KIAA0232: variants seen among roughly 807,000 people sequenced by gnomAD.
KIAA0232 encodes KIAA0232, also known as uncharacterized protein KIAA0232.
In KIAA0232, 27 loss-of-function variants were observed where a neutral mutation model predicts 122.0. That is an observed-to-expected ratio of 0.22 (90% CI 0.16 to 0.31). KIAA0232 has a LOEUF of 0.31. Ranked by LOEUF, KIAA0232 falls within the 10% of genes least tolerant of loss-of-function variation. The pLI is 1.00. For missense variants in KIAA0232, 1,551 were observed against 1,634.2 expected, an observed-to-expected ratio of 0.95 and a Z score of 0.88; for synonymous variants, 613 against 587.6, an observed-to-expected ratio of 1.04 and a Z score of -0.63.
At chr4:6,838,206 T>G (rs1719442697) in intron 3 of KIAA0232, among the ~76,000 whole-genome samples, 1 of 118,406 alleles carries the variant, frequency 8.4e-6, no homozygotes, top group Non-Finnish European at 1.8e-5. Context: ...TTTTTTTTTT[T>G]GAGACAGGGT....
In KIAA0232 at chr4:6,800,043, C is replaced by CTTTT. The variant is rs752428517; in HGVS notation, c.-353-4451_-353-4448dup. Among the ~76,000 whole-genome samples the CTTTT allele has an allele frequency of 4.5e-3, 272 of 59,986 alleles. 24 individuals carry two copies. Among genetic ancestry groups the CTTTT allele is most frequent in the African/African-American group, 0.012 (186 of 15,266 alleles). The allele number at this position is 59,986 out of a possible 152,430, so 39.4% of individuals were successfully genotyped here. A position where few individuals can be genotyped will look rare whatever the true frequency, so the allele number is the denominator to read the frequency against. ...TTTCTTTTTCTTTCTTTCTTTCTTT[C>CTTTT]TTTTTTTTTTTTTTTTTTTTTTTTT... On this transcript the variant is annotated intron_variant, in intron 1 of 9. Coordinates refer to ENST00000307659, the MANE Select transcript of KIAA0232 (RefSeq NM_014743.3).
At chr4:6,784,572 C>G (rs1428644357) in intron 1 of KIAA0232, among the ~76,000 whole-genome samples, 1 of 152,092 alleles carries the variant, frequency 6.6e-6, no homozygotes, top group African/African-American at 2.4e-5. Context: ...AACCTATTTC[C>G]GAGAGTGTGC....
At chr4:6,874,970 T>G (rs1577420749) in intron 8 of KIAA0232, among the ~76,000 whole-genome samples, 1 of 152,240 alleles carries the variant, frequency 6.6e-6, no homozygotes, top group African/African-American at 2.4e-5. Flanking sequence ...TGGGCCTGCC[T>G]GCCTCTGAGC....
In KIAA0232 at chr4:6,882,338, G is replaced by T. The variant is rs556384843; in HGVS notation, c.*1372G>T. 3 of 152,278 alleles carry T rather than the reference G, an allele frequency of 2.0e-5. No individual in the cohort carries two copies. The highest frequency in any genetic ancestry group is 3.9e-4 in the East Asian group (2 of 5,184). The allele number at this position is 152,278 out of a possible 1,614,324, so 9.4% of individuals were successfully genotyped here. ...CAGGAATGGCAGAAAAGTCTGATGC[G>T]CTCTAGACAGCTTCACCACTCATTT... On this transcript the variant is annotated 3_prime_UTR_variant, in exon 10 of 10. Transcript: ENST00000307659.
intron 2 of KIAA0232, among the ~76,000 whole-genome samples, chr4:6,818,048 G>A (rs1009809895): frequency 1.3e-5 from 2 of 151,886 alleles, no homozygotes; most frequent in African/African-American, 4.8e-5. Flanking sequence ...ACCTATTTGT[G>A]TCTTTATATT....
chr4:6,837,794 A>T (rs559584352), intron 3 of KIAA0232, among the ~76,000 whole-genome samples: 1 of 152,148 alleles, frequency 6.6e-6, no homozygotes, highest in African/African-American at 2.4e-5. Context: ...CGTGCCAGCA[A>T]TCCCAGGCAC....
At position 6,863,259 on chromosome 4, in the gene KIAA0232, A is replaced by G. The variant is rs749963517; in HGVS notation, c.2877A>G (p.Leu959=). 7.4e-6 allele frequency: 12 copies of G among 1,614,128 alleles called. No individual in the cohort carries two copies. Among genetic ancestry groups the G allele is most frequent in the South Asian group, 2.2e-5 (2 of 91,090 alleles). ...CTAGTCACACAAAAGGAAGTCTGTT[A>G]CAGTGTGCAGCTTCTGATGTTGTGA... ...VPPSHTKGSL[L]QCAASDVVTI... The change falls in exon 7 of 10, where the codon TTA becomes TTG. Residue 959 remains leucine, a synonymous_variant. Coordinates refer to ENST00000307659, the MANE Select transcript of KIAA0232 (RefSeq NM_014743.3).
intron 2 of KIAA0232, among the ~76,000 whole-genome samples, chr4:6,815,166 TAGAC>T (rs976744540): frequency 1.2e-4 from 18 of 152,184 alleles, no homozygotes; most frequent in Non-Finnish European, 1.3e-4. Flanking sequence ...TAAAGGCAGA[TAGAC>T]AGTTTGAAAT....
At chr4:6,825,150 C>G (rs1430635226) in intron 3 of KIAA0232, among the ~76,000 whole-genome samples, 2 of 152,164 alleles carry the variant, frequency 1.3e-5, no homozygotes, top group Non-Finnish European at 2.9e-5. Context: ...TATGACAAAT[C>G]AGTAGACTTA....
chr4:6,859,750 T>C (rs1366964575), intron 6 of KIAA0232, among the ~76,000 whole-genome samples: 2 of 152,222 alleles, frequency 1.3e-5, no homozygotes, highest in South Asian at 2.1e-4. Context: ...ATGTGTGACC[T>C]TGAGCATTGC....
intron 4 of KIAA0232, among the ~76,000 whole-genome samples, chr4:6,844,515 C>T (rs373612522): frequency 2.6e-5 from 4 of 151,950 alleles, no homozygotes; most frequent in East Asian, 1.9e-4. Context: ...AAACCTGGCT[C>T]ACTGCAACCT....
intron 1 of KIAA0232, among the ~76,000 whole-genome samples, chr4:6,792,549 T>G (rs1716942782): frequency 6.6e-6 from 1 of 152,226 alleles, no homozygotes; most frequent in Non-Finnish European, 1.5e-5. Flanking sequence ...CACAGATTTT[T>G]TATATTGCAT....
In KIAA0232 at chr4:6,822,884, C is replaced by G. The variant is rs561437852; in HGVS notation, c.-269-1301C>G. Among the ~76,000 whole-genome samples, 64 of 148,034 alleles carry G rather than the reference C, an allele frequency of 4.3e-4. 1 individual carries two copies. Among genetic ancestry groups the G allele is most frequent in the Middle Eastern group, 3.5e-3 (1 of 286 alleles). On this transcript the variant is annotated intron_variant, in intron 2 of 9. Transcript: ENST00000307659. ...TGCTGGTGCGCTGCACCCACTAACT[C>G]GTCATCTAGCATTAGGTATATCTCC...
In KIAA0232 at chr4:6,863,733, C is replaced by A. The variant is rs773809441; in HGVS notation, c.3351C>A (p.Ser1117=). The change falls in exon 7 of 10, where the codon TCC becomes TCA. Residue 1117 remains serine, a synonymous_variant. Transcript: ENST00000307659. The stretch of plus-strand genomic sequence containing the variant: ...GCCCAATTTCTGCATCCGAACTGTC[C>A]CCAGGAGGAGGAAGCGAGTCAGAAT... The part of the protein sequence containing the change: ...HFRPISASEL[S]PGGGSESEFE... 3 of 1,614,102 alleles carry A rather than the reference C, an allele frequency of 1.9e-6. No homozygotes were observed. The Admixed American group carries it at 5.0e-5, about 27-fold the overall frequency.
intron 2 of KIAA0232, among the ~76,000 whole-genome samples, chr4:6,821,929 A>G (rs1718444091): frequency 6.6e-6 from 1 of 151,866 alleles, no homozygotes; most frequent in Non-Finnish European, 1.5e-5. Context: ...TTATCTGCTC[A>G]CTTGCATTGT....
chr4:6,819,452 A>G (rs971621753), intron 2 of KIAA0232, among the ~76,000 whole-genome samples: 1 of 152,184 alleles, frequency 6.6e-6, no homozygotes, highest in African/African-American at 2.4e-5. Flanking sequence ...AAAGACATGA[A>G]CAGACAATTT....
intron 2 of KIAA0232, among the ~76,000 whole-genome samples, chr4:6,809,886 A>G (rs1717799658): frequency 6.6e-6 from 1 of 152,176 alleles, no homozygotes; most frequent in African/African-American, 2.4e-5. Flanking sequence ...GAGGTGAAAG[A>G]TCTCTCCAAG....
At chr4:6,843,511 G>A (rs1209881100) in intron 4 of KIAA0232, among the ~76,000 whole-genome samples, 4 of 152,162 alleles carry the variant, frequency 2.6e-5, no homozygotes, top group Admixed American at 6.5e-5. Context: ...CTCAACACCT[G>A]TAATCCCAGG....
chr4:6,818,182 C>G (rs1308437758), intron 2 of KIAA0232, among the ~76,000 whole-genome samples: 1 of 151,860 alleles, frequency 6.6e-6, no homozygotes, highest in Non-Finnish European at 1.5e-5. Flanking sequence ...GCTGGTGGAT[C>G]ACGAGGTCAG....
Sources: allele counts gnomAD v4.1 joint callset (sites outside exome capture counted in the v4.1 genomes callset), GRCh38; gene constraint gnomAD v4.1.1; transcripts MANE v1.5; gene names NCBI Gene and HGNC (gene_info 2026-07-23, HGNC 2026-07-21).